Variants in STXBP4 observed in about 807,000 individuals in gnomAD.
The protein encoded by STXBP4 is syntaxin-binding protein 4.
A neutral mutation model predicts 76.1 loss-of-function variants in STXBP4; 55 were observed. The ratio of observed to expected loss-of-function variants is 0.72; its 90% CI spans 0.58 to 0.91. The LOEUF (loss-of-function observed/expected upper bound fraction) is 0.91, where lower values mean the gene tolerates loss of function less well. Ranked by LOEUF, STXBP4 falls within the 40% of genes least tolerant of loss-of-function variation. The pLI, the probability that STXBP4 is intolerant of heterozygous loss-of-function variation, is 0.00. For missense variants in STXBP4, 618 were observed against 636.9 expected, an observed-to-expected ratio of 0.97 and a Z score of 0.32; for synonymous variants, 201 against 220.2, an observed-to-expected ratio of 0.91 and a Z score of 0.77.
At chr17:54,990,691 A>G (rs2077701258) in intron 3 of STXBP4, 134 bp from the exon 4 acceptor site, 1 of 1,059,886 alleles carries the variant, frequency 9.4e-7, no homozygotes, top group East Asian at 2.9e-5. Flanking sequence ...CTTCCATGAA[A>G]CAAGTCCCTG....
In STXBP4 at chr17:55,164,438, C is replaced by CTTTGTTTTTTTTTTTTT. The variant is rs2080363651; in HGVS notation, c.*4530_*4531insGTTTTTTTTTTTTTTTT. Reference sequence around the variant, plus strand: ...CTATATCACTCTACCCTGTTTATTTCTTTTTTTTTTTTTTTTTTTTTTTGA... The same window carrying CTTTGTTTTTTTTTTTTT: ...CTATATCACTCTACCCTGTTTATTTCTTTGTTTTTTTTTTTTTTTTTTTTTTTTTTTTTTTTTTTTGA... On this transcript the variant is annotated 3_prime_UTR_variant, in exon 18 of 18. Transcript: ENST00000376352. 1.2e-5 allele frequency: 1 copy of CTTTGTTTTTTTTTTTTT among 86,658 alleles called. No homozygotes were observed. The highest frequency in any genetic ancestry group is 2.1e-5 in the Non-Finnish European group (1 of 47,428). The allele number at this position is 86,658 out of a possible 1,614,324, so 5.4% of individuals were successfully genotyped here.
intron 1 of STXBP4, among the ~76,000 whole-genome samples, chr17:54,981,262 TAAAC>T (rs1043015229): frequency 6.6e-6 from 1 of 151,712 alleles, no homozygotes; most frequent in Non-Finnish European, 1.5e-5. Context: ...TGTGTAAAAA[TAAAC>T]AACCAAAAAC....
chr17:55,098,494 A>C (rs886456499), intron 16 of STXBP4, among the ~76,000 whole-genome samples: 3 of 152,144 alleles, frequency 2.0e-5, no homozygotes, highest in South Asian at 2.1e-4. Flanking sequence ...GCAAACCCAT[A>C]AACTAGATAT....
the STXBP4 span, among the ~76,000 whole-genome samples, chr17:55,185,326 T>TCTCCTTCTCCTC: frequency 1.3e-5 from 1 of 74,644 alleles, no homozygotes; most frequent in Non-Finnish European, 2.8e-5. Context: ...TCCTTCTCCT[T>TCTCCTTCTCCTC]CTCCTCCTCC....
At chr17:55,184,124 T>G in the STXBP4 span, among the ~76,000 whole-genome samples, 2 of 152,146 alleles carry the variant, frequency 1.3e-5, no homozygotes, top group African/African-American at 2.4e-5. Flanking sequence ...TGAAATCACC[T>G]CATCTGACAA....
intron 3 of STXBP4, among the ~76,000 whole-genome samples, chr17:54,987,832 GC>G (rs1339547480): frequency 6.6e-6 from 1 of 152,128 alleles, no homozygotes; most frequent in Non-Finnish European, 1.5e-5. Context: ...GTGCAAAAAT[GC>G]CTCTTTTCCC....
chr17:55,042,538 T>C (rs542244037), intron 10 of STXBP4, among the ~76,000 whole-genome samples: 5 of 152,276 alleles, frequency 3.3e-5, no homozygotes, highest in African/African-American at 9.6e-5. Context: ...TTAGTTGTTA[T>C]AGCTTCCACA....
intron 8 of STXBP4, among the ~76,000 whole-genome samples, chr17:55,021,010 C>T (rs376614307): frequency 4.6e-5 from 7 of 152,032 alleles, no homozygotes; most frequent in Non-Finnish European, 8.8e-5. Context: ...TTGTACTTAT[C>T]GCTATAGTTA....
At chr17:55,146,461 C>A (rs35103358) in intron 17 of STXBP4, among the ~76,000 whole-genome samples, 36,995 of 152,022 alleles carry the variant, frequency 0.24, 4,986 homozygotes, top group South Asian at 0.32. Flanking sequence ...CCTGTAATCC[C>A]AGCACTTTGG....
chr17:55,206,016 A>G, the STXBP4 span, among the ~76,000 whole-genome samples: 1 of 152,134 alleles, frequency 6.6e-6, no homozygotes, highest in African/African-American at 2.4e-5. Context: ...AGTATATTAT[A>G]TACTTATTAA....
intron 12 of STXBP4, among the ~76,000 whole-genome samples, chr17:55,056,582 A>G (rs914478817): frequency 2.3e-4 from 35 of 152,182 alleles, no homozygotes; most frequent in African/African-American, 8.2e-4. Flanking sequence ...AAGTACCGTC[A>G]CTAATTCTTG....
the STXBP4 span, among the ~76,000 whole-genome samples, chr17:55,190,449 C>A: frequency 1.3e-5 from 2 of 151,988 alleles, no homozygotes; most frequent in Admixed American, 1.3e-4. Flanking sequence ...TTCACATTCC[C>A]CACCACCACT....
At chr17:55,047,811 T>G (rs2078809689) in intron 12 of STXBP4, among the ~76,000 whole-genome samples, 1 of 151,800 alleles carries the variant, frequency 6.6e-6, no homozygotes, top group Admixed American at 6.6e-5. Flanking sequence ...GACCCATATT[T>G]TGAATATGAC....
intron 10 of STXBP4, 49 bp from the exon 11 acceptor site, chr17:55,043,187 T>A: frequency 1.1e-6 from 1 of 941,782 alleles, no homozygotes; most frequent in Non-Finnish European, 1.5e-6. Flanking sequence ...TTACCTCTCA[T>A]AATTAGCATC....
intron 10 of STXBP4, among the ~76,000 whole-genome samples, chr17:55,043,024 C>A (rs564374243): frequency 6.6e-6 from 1 of 152,016 alleles, no homozygotes; most frequent in Admixed American, 6.6e-5. Context: ...AATCAAAATT[C>A]TATTATAAGT....
intron 17 of STXBP4, among the ~76,000 whole-genome samples, chr17:55,156,054 T>C (rs879922618): frequency 2.6e-5 from 4 of 152,224 alleles, no homozygotes; most frequent in Non-Finnish European, 5.9e-5. Flanking sequence ...TCTGAAGTGC[T>C]GTTGACTGCT....
At position 55,163,844 on chromosome 17, in the gene STXBP4, A is replaced by AG. The variant is rs398119895; in HGVS notation, c.*3935dup. On this transcript the variant is annotated 3_prime_UTR_variant, in exon 18 of 18. Transcript: ENST00000376352. ...CCTCTTGACTAGAAAAGGAAAAAAA[A>AG]GGAACATGCCGTATGAAGAGCCTCT... 2 of 152,336 alleles carry AG rather than the reference A, an allele frequency of 1.3e-5. No homozygotes were observed. The allele number at this position is 152,336 out of a possible 1,614,324, so 9.4% of individuals were successfully genotyped here.
At chr17:55,062,768 C>G (rs946872996) in intron 12 of STXBP4, among the ~76,000 whole-genome samples, 1 of 152,120 alleles carries the variant, frequency 6.6e-6, no homozygotes, top group Non-Finnish European at 1.5e-5. Context: ...CTGTTGTTTC[C>G]TGACTTTTTA....
chr17:55,142,330 A>T (rs1413723878), intron 17 of STXBP4, among the ~76,000 whole-genome samples: 1 of 152,220 alleles, frequency 6.6e-6, no homozygotes, highest in Admixed American at 6.5e-5. Flanking sequence ...TCCTTTGTGT[A>T]TCCTTTTAGC....
Sources: gnomAD v4.1 joint callset for allele counts (sites outside exome capture counted in the v4.1 genomes callset) on GRCh38, gnomAD v4.1.1 for gene constraint, MANE v1.5 for transcripts, NCBI Gene and HGNC (gene_info 2026-07-23, HGNC 2026-07-21) for gene names.